Variants in HNRNPA2B1 observed in about 807,000 individuals in gnomAD.
The protein encoded by HNRNPA2B1 is heterogeneous nuclear ribonucleoproteins A2/B1.
In HNRNPA2B1, 3 loss-of-function variants were observed where a neutral mutation model predicts 46.3. The ratio of observed to expected loss-of-function variants is 0.06; its 90% CI spans 0.03 to 0.17. HNRNPA2B1 has a LOEUF of 0.17. Among genes scored for constraint, HNRNPA2B1 ranks in the 10% least tolerant of loss-of-function variants. The probability of loss-of-function intolerance (pLI) is 1.00; values close to 1 mark genes in which losing one functional copy is unlikely to be tolerated. For synonymous variants in HNRNPA2B1, 225 were observed against 133.8 expected (o/e 1.68, Z -4.70); for missense variants, 221 against 418.9 (o/e 0.53, Z 4.12).
rs368150379 is a variant in HNRNPA2B1, at chr7:26,196,877, C to T, written c.405G>A (p.Arg135=). 1.2e-6 allele frequency: 2 copies of T among 1,613,888 alleles called. No homozygotes were observed. The highest frequency in any genetic ancestry group is 2.7e-5 in the African/African-American group (2 of 74,912). ...CAAAGCCTCTTTTCTTTCCAGACTG[C>T]CTATCAGTAATTATCTCAATGGTAT... The part of the protein sequence containing the change: ...KIDTIEIITD[R]QSGKKRGFGF... The change falls in exon 4 of 11, where the codon AGG becomes AGA. Residue 135 remains arginine, a synonymous_variant. Transcript: ENST00000618183.
At chr7:26,196,309 A>C (rs1294115896) in intron 6 of HNRNPA2B1, 92 bp downstream of exon 6, 6 of 1,029,958 alleles carry the variant, frequency 5.8e-6, no homozygotes, top group Non-Finnish European at 5.8e-6. Context: ...AAATTGACTT[A>C]GGTTGGATTT....
Position 26,200,560 on chromosome 7 carries a change from C to G in HNRNPA2B1, c.6+12G>C, listed in dbSNP as rs1294380787. The G allele has an allele frequency of 2.5e-6, 4 of 1,613,130 alleles. No homozygotes were observed. Among genetic ancestry groups the G allele is most frequent in the East Asian group, 2.2e-5 (1 of 44,900 alleles). On this transcript the variant is annotated intron_variant, in intron 1 of 10. Coordinates refer to ENST00000618183, the MANE Select transcript of HNRNPA2B1 (RefSeq NM_002137.4). ...GCCCTTTTCAATAACTCATTGATTT[C>G]AAACCCGTTACCTCCATCGCGGACT...
chr7:26,193,207 C>T, intron 9 of HNRNPA2B1, 44 bp downstream of exon 9: 2 of 1,585,878 alleles, frequency 1.3e-6, no homozygotes, highest in Non-Finnish European at 1.7e-6. Flanking sequence ...AAGGCTAATC[C>T]TTTAATCACA....
chr7:26,194,293 G>A lies in HNRNPA2B1; in HGVS notation c.722-599C>T, dbSNP rs573961772. 5.9e-5 allele frequency among the ~76,000 whole-genome samples: 9 copies of A among 152,282 alleles called. No individual in the cohort carries two copies. In the South Asian group the frequency reaches 1.7e-3, roughly 28 times the overall value. On this transcript the variant is annotated intron_variant, in intron 7 of 10. Coordinates refer to ENST00000618183, the MANE Select transcript of HNRNPA2B1 (RefSeq NM_002137.4). ...AACCTGTAGTACTAGCTACTCTGGA[G>A]GCTGAGGCAGGAGAATGGCGTGAAC...
In HNRNPA2B1 at chr7:26,191,184, A is replaced by AG. The variant is rs369896118; in HGVS notation, c.*1175dup. ...GTTAAGCACCCAAATCTTCACATGGAGGGGGAGGGGGTGGGAAAAGAAGGA... is the reference window on the plus strand; with the variant it reads ...GTTAAGCACCCAAATCTTCACATGGAGGGGGGAGGGGGTGGGAAAAGAAGGA... On this transcript the variant is annotated 3_prime_UTR_variant, in exon 11 of 11. Transcript: ENST00000618183. 20 of 108,938 alleles carry AG rather than the reference A, an allele frequency of 1.8e-4. No homozygotes were observed. Among genetic ancestry groups the AG allele is most frequent in the African/African-American group, 6.6e-4 (19 of 28,608 alleles). 6.7% of individuals were successfully genotyped at this position (108,938 alleles called of 1,614,324 possible).
At chr7:26,197,595 C>T in intron 2 of HNRNPA2B1, 27 bp downstream of exon 2, 1 of 1,575,910 alleles carries the variant, frequency 6.3e-7, no homozygotes, top group South Asian at 1.1e-5. Context: ...AGACTAATAT[C>T]CAGTAACAAT....
chr7:26,192,665 C>G lies in HNRNPA2B1; in HGVS notation c.965-88G>C. On this transcript the variant is annotated intron_variant, in intron 9 of 10. Transcript: ENST00000618183. ...ACTACAGTTGATTCTATTTTATATCCATCCAGTCTTTTAAACAAGCAGATC... is the reference window on the plus strand; with the variant it reads ...ACTACAGTTGATTCTATTTTATATCGATCCAGTCTTTTAAACAAGCAGATC... The G allele has an allele frequency of 2.8e-6, 3 of 1,078,138 alleles. No homozygotes were observed. In the South Asian group the frequency reaches 3.8e-5, roughly 14 times the overall value. 66.8% of individuals were successfully genotyped at this position (1,078,138 alleles called of 1,614,324 possible). A position where few individuals can be genotyped will look rare whatever the true frequency, so the allele number is the denominator to read the frequency against.
chr7:26,196,676 G>T lies in HNRNPA2B1; in HGVS notation c.476-18C>A. ...TTTCTGCACTGGAATGAAAAATTCA[G>T]ACTCCTTTTAAATTAAATCAACAAT... On this transcript the variant is annotated intron_variant, in intron 4 of 10. Transcript: ENST00000618183. 1.3e-6 allele frequency: 2 copies of T among 1,599,642 alleles called. No individual in the cohort carries two copies. Among genetic ancestry groups the T allele is most frequent in the Non-Finnish European group, 1.7e-6 (2 of 1,168,860 alleles).
At chr7:26,199,724 A>C (rs966791392) in intron 1 of HNRNPA2B1, 1 of 151,960 alleles carries the variant, frequency 6.6e-6, no homozygotes, top group Non-Finnish European at 1.5e-5. Context: ...CGTTTTACTG[A>C]CTGCAGACCC....
At chr7:26,193,198 A>G in intron 9 of HNRNPA2B1, 53 bp downstream of exon 9, 2 of 1,553,376 alleles carry the variant, frequency 1.3e-6, no homozygotes, top group Non-Finnish European at 1.8e-6. Context: ...AAGTCACAAA[A>G]GGCTAATCCT....
At chr7:26,195,989 T>C in intron 6 of HNRNPA2B1, 80 bp from the exon 7 acceptor site, 2 of 1,512,296 alleles carry the variant, frequency 1.3e-6, no homozygotes, top group Non-Finnish European at 1.8e-6. Flanking sequence ...GTTCTCTTAC[T>C]ACCTCAGCAC....
At position 26,190,417 on chromosome 7, in the gene HNRNPA2B1, T is replaced by C. The variant is rs1480658571; in HGVS notation, c.*1943A>G. Reference sequence around the variant, plus strand: ...AATTTCTTATTTCTTGAAGACTCTGTGGTTGACCACTTCTTCATTAGTTAC... The same window carrying C: ...AATTTCTTATTTCTTGAAGACTCTGCGGTTGACCACTTCTTCATTAGTTAC... On this transcript the variant is annotated 3_prime_UTR_variant, in exon 11 of 11. Coordinates refer to ENST00000618183, the MANE Select transcript of HNRNPA2B1 (RefSeq NM_002137.4). The C allele has an allele frequency of 6.6e-6, 1 of 152,618 alleles. No individual in the cohort carries two copies. The highest frequency in any genetic ancestry group is 1.5e-5 in the Non-Finnish European group (1 of 67,998). The allele number at this position is 152,618 out of a possible 1,614,324, so 9.5% of individuals were successfully genotyped here.
At chr7:26,199,639 AG>A (rs1390018964) in intron 1 of HNRNPA2B1, 1 of 151,954 alleles carries the variant, frequency 6.6e-6, no homozygotes, top group Non-Finnish European at 1.5e-5. Context: ...TCCCCCGCCC[AG>A]AAAACCACCT....
intron 2 of HNRNPA2B1, 45 bp from the exon 3 acceptor site, chr7:26,197,506 C>G (rs769185270): frequency 3.8e-6 from 6 of 1,599,352 alleles, no homozygotes; most frequent in Non-Finnish European, 5.1e-6. Flanking sequence ...CTCATTATAG[C>G]TTATAAGTGA....
intron 1 of HNRNPA2B1, 51 bp from the exon 2 acceptor site, chr7:26,197,783 T>G (rs759151768): frequency 1.9e-6 from 3 of 1,596,152 alleles, no homozygotes; most frequent in Non-Finnish European, 2.6e-6. Context: ...CCTCTTTGTA[T>G]GCAGGAAATT....
At chr7:26,195,649 T>C (rs1489101142) in intron 7 of HNRNPA2B1, 198 bp downstream of exon 7, 7 of 559,034 alleles carry the variant, frequency 1.3e-5, no homozygotes, top group South Asian at 7.1e-5. Flanking sequence ...TACATTTTCA[T>C]TTAAAATGGC....
intron 3 of HNRNPA2B1, 74 bp downstream of exon 3, chr7:26,197,241 T>A (rs907543365): frequency 2.0e-6 from 3 of 1,481,694 alleles, no homozygotes; most frequent in African/African-American, 2.8e-5. Context: ...AAAACTAAAT[T>A]CAGAAATAGT....
rs748712123 is a variant in HNRNPA2B1, at chr7:26,192,505, T to C, written c.*11A>G. ...TCAAAAGCTACTTACCCATGGCAAA[T>C]AGGAAGAAGCTCAGTATCGGCTCCT... On this transcript the variant is annotated 3_prime_UTR_variant, in exon 10 of 11. Coordinates refer to ENST00000618183, the MANE Select transcript of HNRNPA2B1 (RefSeq NM_002137.4). 7 of 1,609,224 alleles carry C rather than the reference T, an allele frequency of 4.3e-6. No individual in the cohort carries two copies. The highest frequency in any genetic ancestry group is 1.7e-5 in the Admixed American group (1 of 60,014).
intron 3 of HNRNPA2B1, 77 bp downstream of exon 3, chr7:26,197,228 GTTAAAACTAA>G: frequency 6.9e-7 from 1 of 1,452,292 alleles, no homozygotes; most frequent in Non-Finnish European, 9.3e-7. Flanking sequence ...AAAATCTTGA[GTTAAAACTAA>G]ATTCAGAAAT....
Sources: allele counts gnomAD v4.1 joint callset (sites outside exome capture counted in the v4.1 genomes callset), GRCh38; gene constraint gnomAD v4.1.1; transcripts MANE v1.5; gene names NCBI Gene and HGNC (gene_info 2026-07-23, HGNC 2026-07-21).